The following DHRS7 variants were observed in gnomAD, a reference collection of about 807,000 sequenced individuals.
The protein encoded by DHRS7 is dehydrogenase/reductase SDR family member 7.
Under a neutral mutation model 38.9 loss-of-function variants are expected in DHRS7, and 34 were observed. The ratio of observed to expected loss-of-function variants is 0.87; its 90% CI spans 0.66 to 1.16. The LOEUF (loss-of-function observed/expected upper bound fraction) is 1.16. Among genes scored for constraint, DHRS7 ranks in the 50% most tolerant of loss-of-function variants. The pLI, the probability that DHRS7 is intolerant of heterozygous loss-of-function variation, is 0.00. For missense variants in DHRS7, 421 were observed against 407.0 expected, an observed-to-expected ratio of 1.03 and a Z score of -0.30; for synonymous variants, 158 against 153.1, an observed-to-expected ratio of 1.03 and a Z score of -0.24.
chr14:60,150,845 C>G lies in DHRS7; in HGVS notation c.634-658G>C, dbSNP rs144840928. 2.0e-3 allele frequency among the ~76,000 whole-genome samples: 308 copies of G among 152,272 alleles called. 2 individuals carry two copies. Among genetic ancestry groups the G allele is most frequent in the African/African-American group, 7.0e-3 (289 of 41,546 alleles). On this transcript the variant is annotated intron_variant, in intron 4 of 6. Coordinates refer to ENST00000557185, the MANE Select transcript of DHRS7 (RefSeq NM_016029.4). Reference sequence around the variant, plus strand: ...TTTCCAGGTATAAATGGTTCACCCCCTTTGATAGTGAGGGGTCTTCCCATC... The same window carrying G: ...TTTCCAGGTATAAATGGTTCACCCCGTTTGATAGTGAGGGGTCTTCCCATC...
chr14:60,167,877 A>G (rs1250704712), upstream of DHRS7, among the ~76,000 whole-genome samples: 1 of 152,198 alleles, frequency 6.6e-6, no homozygotes, highest in Non-Finnish European at 1.5e-5. Flanking sequence ...CGATCTGGGC[A>G]CTATGTAAAG....
At chr14:60,159,442 C>T (rs1896719485) in intron 1 of DHRS7, 2 of 210,302 alleles carry the variant, frequency 9.5e-6, no homozygotes, top group South Asian at 1.5e-4. Flanking sequence ...ATTTATGAAG[C>T]TAATGTCAGA....
chr14:60,153,164 G>C lies in DHRS7; in HGVS notation c.408C>G (p.Val136=), dbSNP rs1455778034. 6.2e-7 allele frequency: 1 copy of C among 1,613,928 alleles called. No homozygotes were observed. The highest frequency in any genetic ancestry group is 8.5e-7 in the Non-Finnish European group (1 of 1,180,008). ...AACGCTGGGACATTCCACCATTGTT[G>C]ACCAGAATGTCGATCTAGTTAAATA... ...LQEFGRIDIL[V]NNGGMSQRSL... The change falls in exon 4 of 7, where the codon GTC becomes GTG. Residue 136 remains valine (V), a synonymous_variant. Coordinates refer to ENST00000557185, the MANE Select transcript of DHRS7 (RefSeq NM_016029.4). This position sits in a 1 kb window ranked among gnomAD's most constrained non-coding sequence, Gnocchi z 4.4.
At chr14:60,165,578 GC>G, upstream of DHRS7, 1 of 1,244,136 alleles carries the variant, frequency 8.0e-7, no homozygotes, top group Non-Finnish European at 1.0e-6. The surrounding 1 kb of genome is among the most constrained non-coding windows in gnomAD (Gnocchi z 4.6). Flanking sequence ...TCCGAGACCA[GC>G]CTGGGCAACA....
intron 1 of DHRS7, among the ~76,000 whole-genome samples, chr14:60,159,691 G>A (rs777939394): frequency 6.6e-6 from 1 of 152,116 alleles, no homozygotes; most frequent in Non-Finnish European, 1.5e-5. Flanking sequence ...CCCCAATCAG[G>A]TACTGACTGC....
upstream of DHRS7, chr14:60,166,367 G>A: frequency 1.6e-6 from 1 of 625,740 alleles, no homozygotes; most frequent in Non-Finnish European, 2.0e-6. Context: ...GGGCGTTGAT[G>A]CAGTAGAACT....
At chr14:60,152,435 G>A (rs2140596059) in intron 4 of DHRS7, among the ~76,000 whole-genome samples, 1 of 152,320 alleles carries the variant, frequency 6.6e-6, no homozygotes, top group South Asian at 2.1e-4. Flanking sequence ...TAATCATCCT[G>A]TGGGAAGTAC....
At position 60,165,326 on chromosome 14, in the gene DHRS7, C is replaced by T; in HGVS notation, c.-17G>A. ...CCAGTTCATTGCGGCCGCGCACGCC[C>T]AGCTCGGGGGGAAGAAGACGGCCCG... On this transcript the variant is annotated 5_prime_UTR_variant, in exon 1 of 7. Coordinates refer to ENST00000557185, the MANE Select transcript of DHRS7 (RefSeq NM_016029.4). The surrounding 1 kb of genome is among the most constrained non-coding windows in gnomAD (Gnocchi z 4.6). 8 of 1,566,536 alleles carry T rather than the reference C, an allele frequency of 5.1e-6. No individual in the cohort carries two copies. Among genetic ancestry groups the T allele is most frequent in the South Asian group, 1.2e-5 (1 of 86,570 alleles).
rs916178912 is a variant in DHRS7 at position 60,148,689 on chromosome 14, G to C, written c.972+664C>G. Among the ~76,000 whole-genome samples the C allele has an allele frequency of 9.2e-5, 14 of 152,146 alleles. No individual in the cohort carries two copies. The highest frequency in any genetic ancestry group is 2.9e-4 in the African/African-American group (12 of 41,428). ...TGCACTTGGTCCTGGGGAGAAGTGG[G>C]AGGGAAGGCCAGGTACCATTCCAAG... On this transcript the variant is annotated intron_variant, in intron 6 of 6. Transcript: ENST00000557185. The surrounding 1 kb of genome is among the most constrained non-coding windows in gnomAD (Gnocchi z 4.8).
At chr14:60,158,363 G>A (rs1896699764) in intron 1 of DHRS7, among the ~76,000 whole-genome samples, 1 of 151,896 alleles carries the variant, frequency 6.6e-6, no homozygotes, top group Non-Finnish European at 1.5e-5. Flanking sequence ...CTTCCTATAG[G>A]ACTTTATCAA....
intron 4 of DHRS7, 60 bp downstream of exon 4, chr14:60,152,879 C>T: frequency 1.9e-6 from 3 of 1,588,128 alleles, no homozygotes; most frequent in South Asian, 2.2e-5. Context: ...CAGTGATGGC[C>T]ATATCCCCCA....
In DHRS7 at chr14:60,145,255, G is replaced by A; in HGVS notation, c.973-242C>T. The A allele has an allele frequency of 3.0e-6, 1 of 332,364 alleles. No homozygotes were observed. The highest frequency in any genetic ancestry group is 1.1e-4 in the South Asian group (1 of 8,706). The allele number at this position is 332,364 out of a possible 1,614,324, so 20.6% of individuals were successfully genotyped here. On this transcript the variant is annotated intron_variant, in intron 6 of 6. Coordinates refer to ENST00000557185, the MANE Select transcript of DHRS7 (RefSeq NM_016029.4). The surrounding 1 kb of genome is among the most constrained non-coding windows in gnomAD (Gnocchi z 4.0). Reference sequence around the variant, plus strand: ...GTTTAGAGGAGGTATAAATAGCATTGGACTGCAATGCTAAATTCTCTATAA... The same window carrying A: ...GTTTAGAGGAGGTATAAATAGCATTAGACTGCAATGCTAAATTCTCTATAA...
Position 60,145,203 on chromosome 14 carries a change from C to A in DHRS7, c.973-190G>T, listed in dbSNP as rs1000054383. 1.3e-5 allele frequency: 6 copies of A among 451,090 alleles called. No homozygotes were observed. The highest frequency in any genetic ancestry group is 1.2e-4 in the African/African-American group (6 of 48,664). 27.9% of individuals were successfully genotyped at this position (451,090 alleles called of 1,614,324 possible). On this transcript the variant is annotated intron_variant, in intron 6 of 6. Transcript: ENST00000557185. The surrounding 1 kb of genome is among the most constrained non-coding windows in gnomAD (Gnocchi z 4.0). ...AAAATTCTAGATGTACACAAAAGTA[C>A]TTCTAATGAGTTTAGCATCATCTCT...
Position 60,150,083 on chromosome 14 carries a change from T to C in DHRS7, c.738A>G (p.Leu246=), listed in dbSNP as rs1376991685. Reference sequence around the variant, plus strand: ...TTTTTACCTTTGTGACTTCTCCAGCTAGGGAATTCTCCACAATATTTGATT... The same window carrying C: ...TTTTTACCTTTGTGACTTCTCCAGCCAGGGAATTCTCCACAATATTTGATT... The part of the protein sequence containing the change: ...PVQSNIVENS[L]AGEVTKTIGN... Residue 246 remains leucine (L), a synonymous_variant, in exon 5 of 7, where the codon CTA becomes CTG. Coordinates refer to ENST00000557185, the MANE Select transcript of DHRS7 (RefSeq NM_016029.4). 6.3e-7 allele frequency: 1 copy of C among 1,598,274 alleles called. No individual in the cohort carries two copies. Among genetic ancestry groups the C allele is most frequent in the Non-Finnish European group, 8.5e-7 (1 of 1,176,330 alleles).
chr14:60,157,485 A>T (rs2140605442), intron 1 of DHRS7, among the ~76,000 whole-genome samples: 1 of 152,364 alleles, frequency 6.6e-6, no homozygotes, highest in East Asian at 1.9e-4. Context: ...TCCAGCCAGG[A>T]AAACAGAGTT....
chr14:60,156,224 A>G, intron 1 of DHRS7, 72 bp from the exon 2 acceptor site: 1 of 1,350,360 alleles, frequency 7.4e-7, no homozygotes, highest in Admixed American at 2.9e-5. Flanking sequence ...GATTAGAAAA[A>G]AAAAAGAAAG....
intron 4 of DHRS7, 137 bp from the exon 5 acceptor site, chr14:60,150,324 TTTA>T (rs1484524141): frequency 4.0e-5 from 30 of 744,154 alleles, no homozygotes; most frequent in Middle Eastern, 4.0e-4. Context: ...GGCACTTTTT[TTTA>T]TTATTATATT....
chr14:60,152,673 CTTA>C (rs1896569936), intron 4 of DHRS7: 1 of 467,220 alleles, frequency 2.1e-6, no homozygotes. Flanking sequence ...GAGACCACAT[CTTA>C]TTATCTTTAT....
Position 60,163,814 on chromosome 14 carries a change from C to T in DHRS7, c.133+1363G>A, listed in dbSNP as rs146752719. 8.0e-3 allele frequency among the ~76,000 whole-genome samples: 1,212 copies of T among 152,174 alleles called. 64 individuals carry two copies. Among genetic ancestry groups the T allele is most frequent in the Admixed American group, 0.068 (1,044 of 15,282 alleles). ...ATATAATCTATTTTCGTTTAATTCT[C>T]CAAGTCCAAGTGAACACAAAAGCAC... On this transcript the variant is annotated intron_variant, in intron 1 of 6. Transcript: ENST00000557185.
Sources: gnomAD v4.1 joint callset for allele counts (sites outside exome capture counted in the v4.1 genomes callset) on GRCh38, gnomAD v4.1.1 for gene constraint, Gnocchi (gnomAD v3.1) non-coding constraint, MANE v1.5 for transcripts, NCBI Gene and HGNC (gene_info 2026-07-23, HGNC 2026-07-21) for gene names.